Variants in PDC observed in about 807,000 individuals in gnomAD.
The protein encoded by PDC is phosducin.
Under a neutral mutation model 22.2 loss-of-function variants are expected in PDC, and 19 were observed. The ratio of observed to expected loss-of-function variants is 0.86; its 90% CI spans 0.60 to 1.26. PDC has a LOEUF of 1.26. Ranked by LOEUF, PDC falls within the 50% of genes most tolerant of loss-of-function variation. The pLI is 0.00. For synonymous variants in PDC, 97 were observed against 96.2 expected (o/e 1.01, Z -0.05); for missense variants, 274 against 286.8 (o/e 0.96, Z 0.32).
At chr1:186,445,445 CTTTCTTTTGCTTCTG>C (rs1413241006) in intron 3 of PDC, among the ~76,000 whole-genome samples, 3 of 152,144 alleles carry the variant, frequency 2.0e-5, no homozygotes, top group Non-Finnish European at 4.4e-5. Flanking sequence ...TTCATTACTT[CTTTCTTTTGCTTCTG>C]TTTCTTATAT....
chr1:186,453,840 A>T (rs1385954913), intron 1 of PDC, among the ~76,000 whole-genome samples: 2 of 152,198 alleles, frequency 1.3e-5, no homozygotes, highest in Admixed American at 1.3e-4. Flanking sequence ...ACTCTGAGAG[A>T]TTGAGTGACT....
At chr1:186,453,293 T>C (rs921866110) in intron 1 of PDC, among the ~76,000 whole-genome samples, 8 of 152,176 alleles carry the variant, frequency 5.3e-5, no homozygotes, top group Non-Finnish European at 5.9e-5. Context: ...ATGATAGCGA[T>C]GATCTGGAAT....
intron 1 of PDC, among the ~76,000 whole-genome samples, chr1:186,452,176 G>A (rs1225499376): frequency 1.3e-5 from 2 of 152,118 alleles, no homozygotes; most frequent in Admixed American, 6.5e-5. Flanking sequence ...TCACTCTGGG[G>A]TTTTCTGATT....
intron 1 of PDC, among the ~76,000 whole-genome samples, chr1:186,460,796 G>T (rs1350117423): frequency 6.6e-6 from 1 of 152,086 alleles, no homozygotes; most frequent in Non-Finnish European, 1.5e-5. Flanking sequence ...TCCATTCATG[G>T]TCTTATTTTA....
rs1039873783 is a variant in PDC at position 186,450,453 on chromosome 1, G to A, written c.-24-970C>T. Reference sequence around the variant, plus strand: ...TTCTGGGCTCAAGTGACCTTACCACGTCAGTCTCCTGAGCGGCGGGGACTA... The same window carrying A: ...TTCTGGGCTCAAGTGACCTTACCACATCAGTCTCCTGAGCGGCGGGGACTA... On this transcript the variant is annotated intron_variant, in intron 1 of 3. Transcript: ENST00000391997. Among the ~76,000 whole-genome samples, 73 of 151,824 alleles carry A rather than the reference G, an allele frequency of 4.8e-4. 1 individual carries two copies. The highest frequency in any genetic ancestry group is 1.7e-3 in the African/African-American group (69 of 41,308).
At chr1:186,457,682 TATC>T (rs1489739597) in intron 1 of PDC, among the ~76,000 whole-genome samples, 7 of 152,188 alleles carry the variant, frequency 4.6e-5, no homozygotes, top group African/African-American at 1.4e-4. Flanking sequence ...CATTTGGTGG[TATC>T]ATAATAAGAG....
Position 186,455,997 on chromosome 1 carries a change from AT to A in PDC, c.-25+5061del, listed in dbSNP as rs1558131922. ...AAAAAAAAAAAAAAAAAAAAAAAATATATATATATATATATATATATATATA... is the reference window on the plus strand; with the variant it reads ...AAAAAAAAAAAAAAAAAAAAAAAATAATATATATATATATATATATATATA... On this transcript the variant is annotated intron_variant, in intron 1 of 3. Coordinates refer to ENST00000391997, the MANE Select transcript of PDC (RefSeq NM_002597.5). 5.7e-3 allele frequency among the ~76,000 whole-genome samples: 386 copies of A among 67,602 alleles called. 4 individuals carry two copies. The highest frequency in any genetic ancestry group is 0.02 in the East Asian group (36 of 1,790). The allele number at this position is 67,602 out of a possible 152,430, so 44.3% of individuals were successfully genotyped here. A position where few individuals can be genotyped will look rare whatever the true frequency, so the allele number is the denominator to read the frequency against.
intron 1 of PDC, among the ~76,000 whole-genome samples, chr1:186,460,706 C>T (rs1216297529): frequency 6.6e-6 from 1 of 152,174 alleles, no homozygotes; most frequent in African/African-American, 2.4e-5. Context: ...GATCTTCAAA[C>T]ATAAAGTGCA....
chr1:186,458,715 C>G (rs1662518709), intron 1 of PDC, among the ~76,000 whole-genome samples: 1 of 151,908 alleles, frequency 6.6e-6, no homozygotes, highest in Non-Finnish European at 1.5e-5. Context: ...CTTATAAACC[C>G]TTTTGACGTC....
chr1:186,447,766 A>G (rs1662263790), intron 2 of PDC, among the ~76,000 whole-genome samples: 1 of 152,066 alleles, frequency 6.6e-6, no homozygotes, highest in African/African-American at 2.4e-5. Flanking sequence ...GCAGGCAATC[A>G]AAGCTTTTTG....
intron 1 of PDC, among the ~76,000 whole-genome samples, chr1:186,452,750 A>G (rs368590515): frequency 1.6e-4 from 25 of 152,358 alleles, no homozygotes; most frequent in African/African-American, 5.8e-4. Context: ...AACATTTAAA[A>G]TGACAATAGG....
At chr1:186,444,745 T>C (rs1662186042) in intron 3 of PDC, among the ~76,000 whole-genome samples, 1 of 152,174 alleles carries the variant, frequency 6.6e-6, no homozygotes, top group Non-Finnish European at 1.5e-5. Context: ...TTTATGCTGG[T>C]TTATTTTCTT....
At chr1:186,459,608 G>A (rs984406725) in intron 1 of PDC, among the ~76,000 whole-genome samples, 1 of 151,520 alleles carries the variant, frequency 6.6e-6, no homozygotes, top group Non-Finnish European at 1.5e-5. Flanking sequence ...TTTTGATAAT[G>A]ACTTATATAA....
intron 2 of PDC, among the ~76,000 whole-genome samples, chr1:186,447,646 T>G (rs910807491): frequency 4.3e-4 from 66 of 152,250 alleles, no homozygotes; most frequent in African/African-American, 1.4e-3. Flanking sequence ...CTATATCATA[T>G]TCTATATGTG....
chr1:186,451,763 T>C (rs1383753440), intron 1 of PDC: 1 of 152,232 alleles, frequency 6.6e-6, no homozygotes, highest in African/African-American at 2.4e-5. Context: ...AATGAAAAGA[T>C]AATCCAGTTA....
chr1:186,458,925 G>A (rs1350561170), intron 1 of PDC, among the ~76,000 whole-genome samples: 2 of 152,192 alleles, frequency 1.3e-5, no homozygotes, highest in African/African-American at 4.8e-5. Context: ...GCTTTGAGAG[G>A]CCAAGGCAGG....
At chr1:186,460,003 A>G (rs764724130) in intron 1 of PDC, among the ~76,000 whole-genome samples, 3 of 151,910 alleles carry the variant, frequency 2.0e-5, no homozygotes, top group Non-Finnish European at 1.5e-5. Context: ...TTTTAAAAAC[A>G]TTATTTCTGT....
chr1:186,459,210 C>T (rs898486002), intron 1 of PDC, among the ~76,000 whole-genome samples: 2 of 152,202 alleles, frequency 1.3e-5, no homozygotes, highest in Non-Finnish European at 2.9e-5. Flanking sequence ...TACCAGGACC[C>T]TTCCTCCTTT....
Position 186,458,021 on chromosome 1 carries a change from T to G in PDC, c.-25+3038A>C, listed in dbSNP as rs998155130. 3.9e-5 allele frequency among the ~76,000 whole-genome samples: 6 copies of G among 152,148 alleles called. No individual in the cohort carries two copies. The East Asian group carries it at 1.2e-3, about 29-fold the overall frequency. The stretch of plus-strand genomic sequence containing the variant: ...GTTTTGCTTTTTCAACAAATGGGAC[T>G]GGGCAGGGGAGTTGTAGGGAGCCTT... On this transcript the variant is annotated intron_variant, in intron 1 of 3. Transcript: ENST00000391997.
Sources: allele counts gnomAD v4.1 joint callset (sites outside exome capture counted in the v4.1 genomes callset), GRCh38; gene constraint gnomAD v4.1.1; transcripts MANE v1.5; gene names NCBI Gene and HGNC (gene_info 2026-07-23, HGNC 2026-07-21).